MEF2C: variants seen among roughly 807,000 people sequenced by gnomAD.
MEF2C encodes myocyte enhancer factor 2C, also known as myocyte-specific enhancer factor 2C.
A neutral mutation model predicts 50.5 loss-of-function variants in MEF2C; 6 were observed. The observed-to-expected ratio is 0.12, with a 90% CI of 0.07 to 0.23. MEF2C has a LOEUF of 0.23. Among genes scored for constraint, MEF2C ranks in the 10% least tolerant of loss-of-function variants. The probability of loss-of-function intolerance (pLI) is 1.00; values close to 1 mark genes in which losing one functional copy is unlikely to be tolerated. For missense variants in MEF2C, 276 were observed against 605.0 expected, an observed-to-expected ratio of 0.46 and a Z score of 5.70; for synonymous variants, 183 against 228.0, an observed-to-expected ratio of 0.80 and a Z score of 1.78.
At chr5:88,732,316 G>A (rs889743664) in intron 6 of MEF2C, among the ~76,000 whole-genome samples, 1 of 152,164 alleles carries the variant, frequency 6.6e-6, no homozygotes, top group African/African-American at 2.4e-5. Context: ...TTGTGTGTCT[G>A]TGTGTCCTTA....
chr5:88,848,638 C>A (rs912534872), intron 1 of MEF2C, among the ~76,000 whole-genome samples: 1 of 152,038 alleles, frequency 6.6e-6, no homozygotes, highest in Non-Finnish European at 1.5e-5. Flanking sequence ...TAAAAATGGG[C>A]ACACTGATGA....
upstream of MEF2C, chr5:88,884,538 G>T (rs1156556993): frequency 6.6e-6 from 1 of 152,200 alleles, no homozygotes; most frequent in Non-Finnish European, 1.5e-5. Flanking sequence ...TTTCTAATCA[G>T]TTTGGAAATA....
chr5:88,769,329 G>A (rs577070709), intron 3 of MEF2C, among the ~76,000 whole-genome samples: 1 of 152,244 alleles, frequency 6.6e-6, no homozygotes, highest in South Asian at 2.1e-4. Flanking sequence ...TTTGCCTGAG[G>A]GAATTCATGG....
At chr5:88,732,124 C>T (rs1032602292) in intron 6 of MEF2C, among the ~76,000 whole-genome samples, 6 of 152,062 alleles carry the variant, frequency 3.9e-5, no homozygotes, top group African/African-American at 7.3e-5. Context: ...AGCCAATATA[C>T]ATCAACTTGC....
rs762386648 is a variant in MEF2C, at chr5:88,729,278, T to C, written c.904A>G (p.Thr302Ala). Residue 302 changes from threonine to alanine, a missense_variant, in exon 9 of 11, where the codon ACT becomes GCT. By Grantham distance (58) the Thr-to-Ala change is moderately conservative. Transcript: ENST00000504921. ...CCTCCCATTCCTTGTCCTGGTAAAG[T>C]AGGAGTTGCTACGGAAACCACTGGG... is the stretch of plus-strand genomic sequence containing the variant. ...ATPVVSVATP[T>A]LPGQGMGGYP... 9 of 1,612,964 alleles carry C rather than the reference T, an allele frequency of 5.6e-6. No individual in the cohort carries two copies. The highest frequency in any genetic ancestry group is 1.1e-5 in the South Asian group (1 of 91,058).
intron 6 of MEF2C, among the ~76,000 whole-genome samples, chr5:88,746,115 C>G (rs652660): frequency 0.73 from 110,826 of 151,984 alleles, 41,070 homozygotes; most frequent in East Asian, 0.92. Flanking sequence ...TGTTAATTTT[C>G]AAAGAGAAGC....
At chr5:88,804,551 C>T (rs1208564246) in intron 3 of MEF2C, 47 bp downstream of exon 3, 5 of 1,584,134 alleles carry the variant, frequency 3.2e-6, no homozygotes, top group South Asian at 2.2e-5. Flanking sequence ...GAGGTCCAAA[C>T]TCCCCTGCTT....
chr5:88,783,490 GGGCGTGGT>G (rs1210524861), intron 3 of MEF2C, among the ~76,000 whole-genome samples: 4 of 151,978 alleles, frequency 2.6e-5, no homozygotes, highest in African/African-American at 9.7e-5. Context: ...AAATTTAGCT[GGGCGTGGT>G]GGCACATGCC....
rs1474155723 is a variant in MEF2C at position 88,782,191 on chromosome 5, A to G, written c.259-20863T>C. 1.0e-5 allele frequency: 10 copies of G among 981,030 alleles called. No homozygotes were observed. The African/African-American group carries it at 1.7e-4, about 17-fold the overall frequency. The allele number at this position is 981,030 out of a possible 1,614,324, so 60.8% of individuals were successfully genotyped here. On this transcript the variant is annotated intron_variant, in intron 3 of 10. Transcript: ENST00000504921. ...TAGTTTAAAATAAACCTCCTAGGCC[A>G]GGCACAGTGGCTCACTCCTGTAATC...
At position 88,863,754 on chromosome 5, in the gene MEF2C, G is replaced by A. The variant is rs1826288104; in HGVS notation, c.-143+19201C>T. ...GATCACACAGTATTTGTCTCTCTGTGCCTGACTTATTTCACTTAACGTAAT... is the reference window on the plus strand; with the variant it reads ...GATCACACAGTATTTGTCTCTCTGTACCTGACTTATTTCACTTAACGTAAT... On this transcript the variant is annotated intron_variant, in intron 1 of 10. Transcript: ENST00000504921. Among the ~76,000 whole-genome samples, 3 of 151,900 alleles carry A rather than the reference G, an allele frequency of 2.0e-5. No individual in the cohort carries two copies. The South Asian group carries it at 6.2e-4, about 31-fold the overall frequency.
At chr5:88,867,516 A>T (rs1464895619) in intron 1 of MEF2C, among the ~76,000 whole-genome samples, 1 of 152,212 alleles carries the variant, frequency 6.6e-6, no homozygotes, top group East Asian at 1.9e-4. Flanking sequence ...AAATGAATTA[A>T]TGCATATAAA....
At chr5:88,750,133 C>G in intron 5 of MEF2C, 1 of 856,280 alleles carries the variant, frequency 1.2e-6, no homozygotes, top group Non-Finnish European at 1.4e-6. Flanking sequence ...AAGTGATACT[C>G]TGTAATTATT....
At chr5:88,736,027 T>C (rs552171993) in intron 6 of MEF2C, 4 of 985,424 alleles carry the variant, frequency 4.1e-6, no homozygotes, top group South Asian at 4.7e-5. Context: ...AATTCTGCCA[T>C]TGGCATAACC....
chr5:88,717,536 A>C lies in MEF2C; in HGVS notation c.*5068T>G, dbSNP rs56200420. The stretch of plus-strand genomic sequence containing the variant: ...TGTTTGCTGAAAATGAATACAAGAG[A>C]ACAAAGCAGAAAGCACTGCTATTTT... On this transcript the variant is annotated 3_prime_UTR_variant, in exon 11 of 11. Coordinates refer to ENST00000504921, the MANE Select transcript of MEF2C (RefSeq NM_002397.5). The C allele has an allele frequency of 6.0e-4, 92 of 152,352 alleles. No individual in the cohort carries two copies. Among genetic ancestry groups the C allele is most frequent in the African/African-American group, 2.1e-3 (87 of 41,590 alleles). 9.4% of individuals were successfully genotyped at this position (152,352 alleles called of 1,614,324 possible). A position where few individuals can be genotyped will look rare whatever the true frequency, so the allele number is the denominator to read the frequency against.
At chr5:88,756,446 T>C (rs1317491675) in intron 4 of MEF2C, among the ~76,000 whole-genome samples, 1 of 152,218 alleles carries the variant, frequency 6.6e-6, no homozygotes, top group African/African-American at 2.4e-5. Flanking sequence ...GAACTATCTA[T>C]AATAATTTTG....
rs185632880 is a variant in MEF2C at position 88,777,432 on chromosome 5, G to C, written c.259-16104C>G. Among the ~76,000 whole-genome samples, 290 of 152,196 alleles carry C rather than the reference G, an allele frequency of 1.9e-3. 2 individuals are homozygous for C. The highest frequency in any genetic ancestry group is 9.8e-3 in the South Asian group (47 of 4,820). ...CAGATGAAAAAAAGAGGCACACAGTGGCCCAAGAACTTGCTGAAGTTTACA... is the reference window on the plus strand; with the variant it reads ...CAGATGAAAAAAAGAGGCACACAGTCGCCCAAGAACTTGCTGAAGTTTACA... On this transcript the variant is annotated intron_variant, in intron 3 of 10. Coordinates refer to ENST00000504921, the MANE Select transcript of MEF2C (RefSeq NM_002397.5).
At chr5:88,828,077 T>C (rs777191409) in intron 1 of MEF2C, among the ~76,000 whole-genome samples, 1 of 151,950 alleles carries the variant, frequency 6.6e-6, no homozygotes, top group Non-Finnish European at 1.5e-5. Context: ...CTTTCTAACA[T>C]GGAAATGGCA....
upstream of MEF2C, chr5:88,887,344 A>T (rs565046218): frequency 5.3e-5 from 8 of 152,218 alleles, no homozygotes; most frequent in Admixed American, 5.2e-4. Flanking sequence ...AAGCAAAATG[A>T]TATGTCATTG....
chr5:88,896,815 C>T lies in MEF2C; in HGVS notation c.-240+7101G>A, dbSNP rs973367061. Among the ~76,000 whole-genome samples the T allele has an allele frequency of 3.9e-5, 6 of 152,262 alleles. No homozygotes were observed. The East Asian group carries it at 9.7e-4, about 25-fold the overall frequency. On this transcript the variant is annotated intron_variant, in intron 1 of 11. Coordinates refer to the MEF2C transcript ENST00000340208. ...CCAACAGATTTCCTCCCAACTATTC[C>T]ATTTAACTTCCTTTCTTCCTTCCAT...
Sources: allele counts gnomAD v4.1 joint callset (sites outside exome capture counted in the v4.1 genomes callset), GRCh38; gene constraint gnomAD v4.1.1; transcripts MANE v1.5; gene names NCBI Gene and HGNC (gene_info 2026-07-23, HGNC 2026-07-21).